Variants in METTL15 observed in about 807,000 individuals in gnomAD.
METTL15 encodes the protein 12S rRNA N(4)-cytidine methyltransferase METTL15.
A neutral mutation model predicts 38.3 loss-of-function variants in METTL15; 34 were observed. The observed-to-expected ratio is 0.89, with a 90% CI of 0.68 to 1.18. The LOEUF (loss-of-function observed/expected upper bound fraction) is 1.18. Among genes scored for constraint, METTL15 ranks in the 50% most tolerant of loss-of-function variants. METTL15 has a pLI of 0.00. For missense variants in METTL15, 438 were observed against 498.4 expected (o/e 0.88, Z 1.15); for synonymous variants, 162 against 170.9 (o/e 0.95, Z 0.41).
intron 4 of METTL15, among the ~76,000 whole-genome samples, chr11:28,234,877 G>A (rs375492437): frequency 1.4e-4 from 20 of 148,002 alleles, no homozygotes; most frequent in East Asian, 5.9e-4. Flanking sequence ...TGAAGTCCTT[G>A]CCCATGCCTA....
intron 5 of METTL15, among the ~76,000 whole-genome samples, chr11:28,393,564 A>C (rs1243044090): frequency 6.6e-6 from 1 of 152,082 alleles, no homozygotes; most frequent in Non-Finnish European, 1.5e-5. Flanking sequence ...GTGGCTGGCA[A>C]ACGGGGGCTG....
intron 6 of METTL15, among the ~76,000 whole-genome samples, chr11:28,449,203 G>T (rs994363899): frequency 1.3e-5 from 2 of 152,168 alleles, no homozygotes; most frequent in Non-Finnish European, 2.9e-5. Context: ...GCATGCCCAG[G>T]AGGTGGATAG....
At chr11:28,232,772 T>G (rs1853740937) in intron 4 of METTL15, among the ~76,000 whole-genome samples, 1 of 152,006 alleles carries the variant, frequency 6.6e-6, no homozygotes, top group South Asian at 2.1e-4. Context: ...AGGGTTTATT[T>G]GTAAGAGATA....
At chr11:28,385,827 G>A (rs1850434817) in intron 5 of METTL15, among the ~76,000 whole-genome samples, 1 of 151,832 alleles carries the variant, frequency 6.6e-6, no homozygotes, top group Non-Finnish European at 1.5e-5. Flanking sequence ...GAGGGGATAG[G>A]GAATGAGGCC....
rs115839585 is a variant in METTL15, at chr11:28,303,739, A to T, written c.778+6808A>T. On this transcript the variant is annotated intron_variant, in intron 6 of 6. Transcript: ENST00000407364. Reference sequence around the variant, plus strand: ...CCAGCCAAAGTAAAAATGAAAATTCAAGGGGAAAAAATATATAAGTTCTTA... The same window carrying T: ...CCAGCCAAAGTAAAAATGAAAATTCTAGGGGAAAAAATATATAAGTTCTTA... 6.8e-3 allele frequency among the ~76,000 whole-genome samples: 1,038 copies of T among 152,264 alleles called. 7 individuals carry two copies. Among genetic ancestry groups the T allele is most frequent in the African/African-American group, 0.023 (946 of 41,564 alleles).
At chr11:28,382,590 T>C (rs1190687835) in intron 5 of METTL15, among the ~76,000 whole-genome samples, 1 of 151,990 alleles carries the variant, frequency 6.6e-6, no homozygotes, top group Non-Finnish European at 1.5e-5. Context: ...TCCCAGCACT[T>C]TGGGAAGCTG....
chr11:28,371,472 C>A (rs78801445), intron 5 of METTL15, among the ~76,000 whole-genome samples: 5,738 of 151,916 alleles, frequency 0.038, 356 homozygotes, highest in African/African-American at 0.13. Flanking sequence ...ATGGCTCCAG[C>A]TTTGTTATTT....
chr11:28,304,547 C>T (rs1470821570), intron 6 of METTL15, among the ~76,000 whole-genome samples: 1 of 152,064 alleles, frequency 6.6e-6, no homozygotes, highest in Non-Finnish European at 1.5e-5. Context: ...GAAACCCTGA[C>T]TCTACTAAAA....
At chr11:28,284,310 AT>A (rs770913741) in intron 4 of METTL15, among the ~76,000 whole-genome samples, 17 of 152,154 alleles carry the variant, frequency 1.1e-4, no homozygotes, top group Admixed American at 2.6e-4. Flanking sequence ...CTATATGAAT[AT>A]TTTCTGTTAA....
intron 5 of METTL15, among the ~76,000 whole-genome samples, chr11:28,421,327 A>G (rs1850818538): frequency 1.3e-5 from 2 of 152,208 alleles, no homozygotes; most frequent in South Asian, 4.1e-4. Flanking sequence ...TATTATGAAA[A>G]ATAGAGGTGG....
chr11:28,279,356 CT>C (rs1355733601), intron 4 of METTL15, among the ~76,000 whole-genome samples: 2 of 151,994 alleles, frequency 1.3e-5, no homozygotes, highest in Non-Finnish European at 2.9e-5. Context: ...TCTGGCACTC[CT>C]TTTTCTTTTA....
chr11:28,320,873 T>C (rs968484607), intron 6 of METTL15, among the ~76,000 whole-genome samples: 10 of 152,194 alleles, frequency 6.6e-5, no homozygotes, highest in Admixed American at 5.9e-4. Flanking sequence ...TCATTGTAAG[T>C]CTCTATACTT....
chr11:28,376,959 C>T (rs1464534772), intron 5 of METTL15, among the ~76,000 whole-genome samples: 1 of 128,730 alleles, frequency 7.8e-6, no homozygotes, highest in Non-Finnish European at 1.8e-5. Flanking sequence ...GTTGAAAATT[C>T]TTTTCTTTAA....
chr11:28,524,508 C>T (rs964749605), intron 6 of METTL15, among the ~76,000 whole-genome samples: 2 of 152,138 alleles, frequency 1.3e-5, no homozygotes, highest in Admixed American at 6.5e-5. Context: ...ACCAAGGAGC[C>T]CAACAAGTAT....
At chr11:28,445,254 G>A (rs1207582738) in intron 6 of METTL15, among the ~76,000 whole-genome samples, 2 of 152,148 alleles carry the variant, frequency 1.3e-5, no homozygotes, top group Non-Finnish European at 2.9e-5. Flanking sequence ...TAGAAAACTT[G>A]TAAGAATAGT....
chr11:28,273,967 C>T (rs1384723016), intron 4 of METTL15, among the ~76,000 whole-genome samples: 3 of 152,024 alleles, frequency 2.0e-5, no homozygotes, highest in Non-Finnish European at 4.4e-5. Flanking sequence ...ATAAACTAAG[C>T]TAATGCCTGG....
At chr11:28,125,826 T>C (rs1168740600) in intron 3 of METTL15, 1 of 152,164 alleles carries the variant, frequency 6.6e-6, no homozygotes, top group Non-Finnish European at 1.5e-5. Context: ...ACTTACCTTA[T>C]AGTATATGCA....
At chr11:28,252,119 G>A (rs1419769524) in intron 4 of METTL15, among the ~76,000 whole-genome samples, 2 of 152,100 alleles carry the variant, frequency 1.3e-5, no homozygotes, top group Non-Finnish European at 2.9e-5. Context: ...TCAATGTGAA[G>A]GTATATTAGT....
chr11:28,426,273 T>C (rs1186467494), intron 6 of METTL15, among the ~76,000 whole-genome samples: 1 of 152,246 alleles, frequency 6.6e-6, no homozygotes, highest in East Asian at 1.9e-4. Flanking sequence ...GCAAAGGACA[T>C]GATCTCGTTC....
Sources: gnomAD v4.1 joint callset for allele counts (sites outside exome capture counted in the v4.1 genomes callset) on GRCh38, gnomAD v4.1.1 for gene constraint, MANE v1.5 for transcripts, NCBI Gene and HGNC (gene_info 2026-07-23, HGNC 2026-07-21) for gene names.